The following C10orf90 variants were observed in gnomAD, a reference collection of about 807,000 sequenced individuals.
The protein encoded by C10orf90 is chromosome 10 open reading frame 90.
Under a neutral mutation model 62.5 loss-of-function variants are expected in C10orf90, and 56 were observed. The observed-to-expected ratio is 0.90, with a 90% CI of 0.72 to 1.12. The LOEUF is 1.12. Ranked by LOEUF, C10orf90 falls within the 50% of genes most tolerant of loss-of-function variation. C10orf90 has a pLI of 0.00. For missense variants in C10orf90, 970 were observed against 880.4 expected, an observed-to-expected ratio of 1.10 and a Z score of -1.29; for synonymous variants, 386 against 340.4, an observed-to-expected ratio of 1.13 and a Z score of -1.47.
intron 6 of C10orf90, 100 bp downstream of exon 6, chr10:126,461,301 T>C: frequency 1.5e-6 from 2 of 1,374,254 alleles, no homozygotes; most frequent in South Asian, 2.8e-5. Context: ...GAAATCAGGT[T>C]TCCAGCCTCA....
chr10:126,524,184 C>T (rs957096522), intron 2 of C10orf90, among the ~76,000 whole-genome samples: 3 of 152,122 alleles, frequency 2.0e-5, no homozygotes, highest in African/African-American at 7.2e-5. Flanking sequence ...GGAGATAGAT[C>T]TCTGGATAGA....
intron 4 of C10orf90, among the ~76,000 whole-genome samples, chr10:126,489,726 T>C (rs4962560): frequency 0.15 from 22,498 of 151,156 alleles, 1,743 homozygotes; most frequent in Middle Eastern, 0.22. Context: ...CATTGGGGCA[T>C]ATACCCCAAA....
chr10:126,502,781 G>T (rs1422833510), intron 4 of C10orf90: 1 of 521,272 alleles, frequency 1.9e-6, no homozygotes. Flanking sequence ...CACTAAAGTG[G>T]GATTTATCTT....
chr10:126,559,215 T>C (rs1864847244), intron 2 of C10orf90, among the ~76,000 whole-genome samples: 2 of 152,260 alleles, frequency 1.3e-5, no homozygotes, highest in African/African-American at 4.8e-5. Context: ...TCACTCCTTA[T>C]TGTATGTTTC....
intron 4 of C10orf90, among the ~76,000 whole-genome samples, chr10:126,477,550 G>T (rs1049644537): frequency 6.6e-6 from 1 of 152,214 alleles, no homozygotes; most frequent in East Asian, 1.9e-4. Context: ...CTGGTCTTTA[G>T]GTTGCATTTG....
intron 2 of C10orf90, among the ~76,000 whole-genome samples, chr10:126,587,384 G>A (rs902968619): frequency 2.6e-5 from 4 of 152,180 alleles, no homozygotes; most frequent in Non-Finnish European, 5.9e-5. Flanking sequence ...GAGGTCTGAG[G>A]TCAGGGTGCC....
chr10:126,594,295 G>C (rs1845040590), intron 2 of C10orf90, among the ~76,000 whole-genome samples: 1 of 152,124 alleles, frequency 6.6e-6, no homozygotes, highest in South Asian at 2.1e-4. Context: ...GTCTGTGTGT[G>C]TGTCCATACA....
At chr10:126,470,230 A>T in intron 4 of C10orf90, 1 of 377,682 alleles carries the variant, frequency 2.6e-6, no homozygotes, top group South Asian at 2.0e-5. Flanking sequence ...ATTCTTCTGC[A>T]TGATGCATGC....
chr10:126,637,076 G>A lies in C10orf90; in HGVS notation c.313+9489C>T, dbSNP rs140654364. On this transcript the variant is annotated intron_variant, in intron 2 of 9. Coordinates refer to ENST00000488181, the MANE Select transcript of C10orf90 (RefSeq NM_001350921.2). Reference sequence around the variant, plus strand: ...ATAAACTTCTTTCTTTAAAGGAGCCGAAAGTCACACCAAAAATAATGCATA... The same window carrying A: ...ATAAACTTCTTTCTTTAAAGGAGCCAAAAGTCACACCAAAAATAATGCATA... 4.8e-3 allele frequency among the ~76,000 whole-genome samples: 725 copies of A among 152,222 alleles called. 5 individuals carry two copies. Among genetic ancestry groups the A allele is most frequent in the African/African-American group, 0.017 (689 of 41,548 alleles).
At chr10:126,490,014 T>TATATATA (rs71687088) in intron 4 of C10orf90, among the ~76,000 whole-genome samples, 10,480 of 92,332 alleles carry the variant, frequency 0.11, 690 homozygotes, top group Middle Eastern at 0.18. Context: ...TTATATATAT[T>TATATATA]ATATATAATA....
intron 7 of C10orf90, among the ~76,000 whole-genome samples, chr10:126,452,653 T>C (rs1023318975): frequency 4.6e-5 from 7 of 152,192 alleles, no homozygotes; most frequent in African/African-American, 1.7e-4. Context: ...TAAATCCACT[T>C]CTAATCAATA....
chr10:126,522,591 A>C (rs948663285), intron 2 of C10orf90: 1 of 152,254 alleles, frequency 6.6e-6, no homozygotes, highest in South Asian at 2.1e-4. Context: ...TTGCACGTTT[A>C]TCATGAGCCA....
intron 8 of C10orf90, among the ~76,000 whole-genome samples, chr10:126,427,760 G>A (rs898607281): frequency 2.0e-5 from 3 of 152,176 alleles, no homozygotes; most frequent in Non-Finnish European, 2.9e-5. Flanking sequence ...TATGCTGTTG[G>A]TTTCTCTGGT....
intron 2 of C10orf90, among the ~76,000 whole-genome samples, chr10:126,638,237 G>A (rs149787014): frequency 9.2e-5 from 14 of 152,204 alleles, no homozygotes; most frequent in African/African-American, 2.6e-4. Flanking sequence ...TCCTCTGCCC[G>A]ATCCTGGGAC....
intron 7 of C10orf90, among the ~76,000 whole-genome samples, chr10:126,438,536 T>C (rs1392515683): frequency 2.0e-5 from 3 of 152,136 alleles, no homozygotes; most frequent in Non-Finnish European, 4.4e-5. Flanking sequence ...AAGAATACAG[T>C]ATACGACAAA....
intron 2 of C10orf90, among the ~76,000 whole-genome samples, chr10:126,558,026 C>A (rs1462489847): frequency 6.6e-6 from 1 of 152,122 alleles, no homozygotes; most frequent in Non-Finnish European, 1.5e-5. Context: ...TAACGCCCCT[C>A]AGACTCTGCA....
chr10:126,655,497 C>T (rs1846375288), intron 1 of C10orf90, among the ~76,000 whole-genome samples: 2 of 152,172 alleles, frequency 1.3e-5, no homozygotes, highest in East Asian at 1.9e-4. Flanking sequence ...TGCCACAAAC[C>T]TTCAACTTGT....
chr10:126,547,053 G>A (rs1422609612), intron 2 of C10orf90, among the ~76,000 whole-genome samples: 3 of 152,142 alleles, frequency 2.0e-5, no homozygotes, highest in Non-Finnish European at 4.4e-5. Flanking sequence ...AGATTGCAAT[G>A]AGCCAAGATC....
chr10:126,550,937 T>C (rs538789478), intron 2 of C10orf90, among the ~76,000 whole-genome samples: 1 of 152,338 alleles, frequency 6.6e-6, no homozygotes, highest in African/African-American at 2.4e-5. Flanking sequence ...CTCTCTTCTG[T>C]GTTTTCTCCC....
Sources: allele counts gnomAD v4.1 joint callset (sites outside exome capture counted in the v4.1 genomes callset), GRCh38; gene constraint gnomAD v4.1.1; transcripts MANE v1.5; gene names NCBI Gene and HGNC (gene_info 2026-07-23, HGNC 2026-07-21).